Variants in PAPPA2 observed in about 807,000 individuals in gnomAD.
PAPPA2 encodes the protein pappalysin-2.
In PAPPA2, 86 loss-of-function variants were observed where a neutral mutation model predicts 176.4. The ratio of observed to expected loss-of-function variants is 0.49; its 90% CI spans 0.41 to 0.58. The LOEUF (loss-of-function observed/expected upper bound fraction) is 0.58. Ranked by LOEUF, PAPPA2 falls within the 20% of genes least tolerant of loss-of-function variation. The pLI is 0.00. For synonymous variants in PAPPA2, 809 were observed against 852.2 expected, an observed-to-expected ratio of 0.95 and a Z score of 0.88; for missense variants, 2,073 against 2,256.9, an observed-to-expected ratio of 0.92 and a Z score of 1.65.
At chr1:176,830,556 A>G (rs918151487) in intron 21 of PAPPA2, among the ~76,000 whole-genome samples, 1 of 152,236 alleles carries the variant, frequency 6.6e-6, no homozygotes, top group African/African-American at 2.4e-5. Context: ...GTTGGCTCCA[A>G]TTAGCTGAAA....
chr1:176,809,556 T>C (rs891415014), intron 21 of PAPPA2, among the ~76,000 whole-genome samples: 3 of 152,202 alleles, frequency 2.0e-5, no homozygotes, highest in Admixed American at 2.0e-4. Flanking sequence ...CACGTGCTTA[T>C]TGATCACTCA....
At chr1:176,704,738 TTGAATTCAGA>T (rs1254507864) in intron 9 of PAPPA2, among the ~76,000 whole-genome samples, 1 of 152,202 alleles carries the variant, frequency 6.6e-6, no homozygotes, top group African/African-American at 2.4e-5. Context: ...GATCAAATAG[TTGAATTCAGA>T]TGTGCTGTAA....
rs748614074 is a variant in PAPPA2 at position 176,557,362 on chromosome 1, G to A, written c.919+121G>A. On this transcript the variant is annotated intron_variant, in intron 2 of 22. Coordinates refer to ENST00000367662, the MANE Select transcript of PAPPA2 (RefSeq NM_020318.3). ...CCAACAGGAAAGCCAGAAAGGGCTA[G>A]CCAGGGAGAGGGGGAAGGGCCTTTA... 35 of 1,164,748 alleles carry A rather than the reference G, an allele frequency of 3.0e-5. 1 individual carries two copies. In the South Asian group the frequency reaches 5.3e-4, roughly 18 times the overall value. The allele number at this position is 1,164,748 out of a possible 1,614,324, so 72.2% of individuals were successfully genotyped here.
At chr1:176,619,741 T>A (rs1250249847) in intron 3 of PAPPA2, among the ~76,000 whole-genome samples, 1 of 152,242 alleles carries the variant, frequency 6.6e-6, no homozygotes, top group Non-Finnish European at 1.5e-5. Flanking sequence ...TTTTTCTTTT[T>A]CATATACTTT....
At chr1:176,717,843 C>T (rs1661446718) in intron 12 of PAPPA2, among the ~76,000 whole-genome samples, 1 of 152,154 alleles carries the variant, frequency 6.6e-6, no homozygotes, top group Non-Finnish European at 1.5e-5. Flanking sequence ...AATCACAGAG[C>T]TTTGAATTCT....
intron 1 of PAPPA2, among the ~76,000 whole-genome samples, chr1:176,536,883 T>C (rs1650093816): frequency 1.3e-5 from 2 of 152,296 alleles, no homozygotes; most frequent in Admixed American, 1.3e-4. Flanking sequence ...ACACGGGCAC[T>C]GTGCTAAGCT....
intron 21 of PAPPA2, among the ~76,000 whole-genome samples, chr1:176,827,989 C>T (rs541266804): frequency 1.3e-5 from 2 of 152,058 alleles, no homozygotes; most frequent in East Asian, 3.9e-4. Flanking sequence ...AGGTGGCTGC[C>T]TCATTCTCAT....
chr1:176,752,085 C>A (rs1160086118), intron 14 of PAPPA2, among the ~76,000 whole-genome samples: 1 of 122,128 alleles, frequency 8.2e-6, no homozygotes, highest in East Asian at 2.5e-4. Flanking sequence ...AGTAAACTAT[C>A]GCAAGAACAA....
intron 14 of PAPPA2, among the ~76,000 whole-genome samples, chr1:176,749,092 G>A (rs1173946839): frequency 5.3e-4 from 3 of 5,656 alleles, no homozygotes; most frequent in Non-Finnish European, 1.3e-3. Flanking sequence ...ACACCAATGT[G>A]GTCATATATC....
In PAPPA2 at chr1:176,595,112, T is replaced by C. The variant is rs781025868; in HGVS notation, c.1508T>C (p.Val503Ala). 1.6e-5 allele frequency: 26 copies of C among 1,613,960 alleles called. No individual in the cohort carries two copies. In the East Asian group the frequency reaches 4.5e-4, roughly 28 times the overall value. The change falls in exon 3 of 23, where the codon GTC (valine) becomes GCC (alanine). Residue 503 changes from valine (V) to alanine (A), a missense_variant. Transcript: ENST00000367662. Reference protein sequence around the residue: ...PLQPPLCGQTVCDNVELISQY... With the variant: ...PLQPPLCGQTACDNVELISQY... ...CAGCCCCCACTCTGTGGGCAAACAG[T>C]CTGTGACAATGTGGAATTGATCTCC... is the stretch of plus-strand genomic sequence containing the variant.
At chr1:176,496,453 T>C (rs931841342) in intron 1 of PAPPA2, among the ~76,000 whole-genome samples, 1 of 152,188 alleles carries the variant, frequency 6.6e-6, no homozygotes, top group African/African-American at 2.4e-5. Flanking sequence ...AGAAGTTACC[T>C]GGTCTGTGTG....
At chr1:176,532,033 C>G (rs1238003931) in intron 1 of PAPPA2, among the ~76,000 whole-genome samples, 1 of 152,180 alleles carries the variant, frequency 6.6e-6, no homozygotes, top group Non-Finnish European at 1.5e-5. Context: ...CTGTCTCTCA[C>G]TCCGAGGTTT....
chr1:176,510,292 C>T (rs771139777), intron 1 of PAPPA2, among the ~76,000 whole-genome samples: 11 of 152,102 alleles, frequency 7.2e-5, no homozygotes, highest in Admixed American at 2.0e-4. Flanking sequence ...GAATTATCAT[C>T]GTTTTCTCAC....
At position 176,635,852 on chromosome 1, in the gene PAPPA2, A is replaced by G. The variant is rs1444037601; in HGVS notation, c.1992-35118A>G. Among the ~76,000 whole-genome samples, 5 of 152,194 alleles carry G rather than the reference A, an allele frequency of 3.3e-5. No individual in the cohort carries two copies. The East Asian group carries it at 9.7e-4, about 29-fold the overall frequency. On this transcript the variant is annotated intron_variant, in intron 3 of 22. Transcript: ENST00000367662. ...GTGTGGTACATAGTTTCATTATATA[A>G]TAATTTAATTATATGACAAATGAGG...
At chr1:176,755,931 A>G (rs767059358) in intron 14 of PAPPA2, among the ~76,000 whole-genome samples, 58 of 152,190 alleles carry the variant, frequency 3.8e-4, no homozygotes, top group Non-Finnish European at 7.6e-4. Context: ...TTATTAGGAA[A>G]ATTATGAGGA....
chr1:176,706,311 A>G, intron 9 of PAPPA2, 48 bp from the exon 10 acceptor site: 1 of 1,528,094 alleles, frequency 6.5e-7, no homozygotes, highest in Non-Finnish European at 9.0e-7. Context: ...GCTAAACAAG[A>G]AAATTTGTGT....
At chr1:176,635,963 G>A (rs780652593) in intron 3 of PAPPA2, among the ~76,000 whole-genome samples, 1 of 152,104 alleles carries the variant, frequency 6.6e-6, no homozygotes, top group Non-Finnish European at 1.5e-5. Context: ...ATGAATCCTG[G>A]AAACCCAGAA....
At chr1:176,532,679 ACTCT>A (rs1170399832) in intron 1 of PAPPA2, among the ~76,000 whole-genome samples, 2 of 151,642 alleles carry the variant, frequency 1.3e-5, no homozygotes, top group Admixed American at 1.3e-4. Context: ...ACGCAGCATC[ACTCT>A]CTCACTTCAG....
rs1656390700 is a variant in PAPPA2, at chr1:176,632,340, A to G, written c.1991+36745A>G. ...ACTTTGAAGTTTTGTGGGCTACTGT[A>G]TGTAAAGAGAATCAGAAAATCAAAT... On this transcript the variant is annotated intron_variant, in intron 3 of 22. Transcript: ENST00000367662. Among the ~76,000 whole-genome samples, 5 of 151,924 alleles carry G rather than the reference A, an allele frequency of 3.3e-5. No individual in the cohort carries two copies. In the South Asian group the frequency reaches 1.0e-3, roughly 32 times the overall value.
Sources: gnomAD v4.1 joint callset for allele counts (sites outside exome capture counted in the v4.1 genomes callset) on GRCh38, gnomAD v4.1.1 for gene constraint, MANE v1.5 for transcripts, NCBI Gene and HGNC (gene_info 2026-07-23, HGNC 2026-07-21) for gene names.